HEMK2: variants seen among roughly 807,000 people sequenced by gnomAD.
The protein encoded by HEMK2 is methyltransferase HEMK2.
chr21:28,588,959 G>A, the HEMK2 span, among the ~76,000 whole-genome samples: 3 of 142,786 alleles, frequency 2.1e-5, no homozygotes, highest in Admixed American at 2.3e-4. Flanking sequence ...CTCCAGCCTG[G>A]GCAACAGAGA....
At chr21:28,596,142 G>A in the HEMK2 span, among the ~76,000 whole-genome samples, 117 of 151,548 alleles carry the variant, frequency 7.7e-4, no homozygotes, top group Non-Finnish European at 1.2e-3. Context: ...TCAGCCTCCC[G>A]AGTAGCTGGG....
the HEMK2 span, among the ~76,000 whole-genome samples, chr21:28,817,852 C>G: frequency 6.6e-6 from 1 of 152,168 alleles, no homozygotes; most frequent in Non-Finnish European, 1.5e-5. Flanking sequence ...TGTCCTTACT[C>G]ATGACAGTTA....
chr21:28,610,618 G>C, the HEMK2 span, among the ~76,000 whole-genome samples: 1 of 152,138 alleles, frequency 6.6e-6, no homozygotes, highest in Non-Finnish European at 1.5e-5. Flanking sequence ...TGGCAGAATG[G>C]ATAAGGATTC....
the HEMK2 span, among the ~76,000 whole-genome samples, chr21:28,598,751 TC>T: frequency 6.6e-6 from 1 of 152,122 alleles, no homozygotes; most frequent in African/African-American, 2.4e-5. Context: ...CAACTCCAAG[TC>T]AAAAACAGTG....
chr21:28,785,445 TG>T, the HEMK2 span, among the ~76,000 whole-genome samples: 1 of 152,206 alleles, frequency 6.6e-6, no homozygotes, highest in East Asian at 1.9e-4. Context: ...ACTTACCCCA[TG>T]ATAAATTACA....
At chr21:28,805,771 C>T in the HEMK2 span, among the ~76,000 whole-genome samples, 10 of 152,036 alleles carry the variant, frequency 6.6e-5, no homozygotes, top group African/African-American at 9.7e-5. Context: ...TGCTTCTGTA[C>T]GACTTTACAT....
At chr21:28,721,941 CACCT>C in the HEMK2 span, among the ~76,000 whole-genome samples, 1 of 148,142 alleles carries the variant, frequency 6.8e-6, no homozygotes, top group African/African-American at 2.5e-5. Context: ...CACACACATA[CACCT>C]ATTTGATGCA....
chr21:28,715,281 C>A, the HEMK2 span, among the ~76,000 whole-genome samples: 1 of 152,138 alleles, frequency 6.6e-6, no homozygotes, highest in Admixed American at 6.5e-5. Flanking sequence ...TCTCTTGTCT[C>A]CGCAGCCTTG....
At chr21:28,876,561 AT>A in the HEMK2 span, 13 of 922,520 alleles carry the variant, frequency 1.4e-5, no homozygotes, top group South Asian at 1.7e-4. Context: ...AAGCAATTTA[AT>A]AAGTTAAACA....
chr21:28,674,969 G>T, the HEMK2 span: 1 of 152,150 alleles, frequency 6.6e-6, no homozygotes, highest in Non-Finnish European at 1.5e-5. Context: ...CTATTGAATT[G>T]GGAGTTAGGT....
the HEMK2 span, among the ~76,000 whole-genome samples, chr21:28,740,475 C>A: frequency 1.2e-4 from 18 of 152,342 alleles, no homozygotes; most frequent in East Asian, 3.3e-3. Flanking sequence ...GCTATCATAG[C>A]TTCCATATGG....
chr21:28,612,201 G>A, the HEMK2 span, among the ~76,000 whole-genome samples: 10 of 150,958 alleles, frequency 6.6e-5, no homozygotes, highest in South Asian at 2.1e-3. Context: ...TAGCTAGCCA[G>A]ATCCAACAGC....
the HEMK2 span, among the ~76,000 whole-genome samples, chr21:28,849,092 C>A: frequency 1.3e-5 from 2 of 152,198 alleles, no homozygotes; most frequent in African/African-American, 4.8e-5. Flanking sequence ...GCTACGACCA[C>A]CCATCAGAGT....
chr21:28,867,004 G>C, the HEMK2 span, among the ~76,000 whole-genome samples: 1 of 152,076 alleles, frequency 6.6e-6, no homozygotes, highest in South Asian at 2.1e-4. Context: ...AATCTAAGAA[G>C]TCTAACAGTC....
At chr21:28,857,649 T>C in the HEMK2 span, among the ~76,000 whole-genome samples, 51 of 152,334 alleles carry the variant, frequency 3.3e-4, no homozygotes, top group African/African-American at 1.1e-3. Flanking sequence ...TTCAGTGCAT[T>C]TAACCTTACA....
chr21:28,717,242 C>T, the HEMK2 span, among the ~76,000 whole-genome samples: 3 of 151,914 alleles, frequency 2.0e-5, no homozygotes, highest in African/African-American at 4.8e-5. Context: ...TCCATCAGGT[C>T]GAGGGTTTTT....
At chr21:28,761,583 T>C in the HEMK2 span, among the ~76,000 whole-genome samples, 1 of 151,310 alleles carries the variant, frequency 6.6e-6, no homozygotes, top group Non-Finnish European at 1.5e-5. Context: ...TCAGTTTCTC[T>C]ATCTGCTCTA....
the HEMK2 span, among the ~76,000 whole-genome samples, chr21:28,620,095 G>C: frequency 6.6e-6 from 1 of 151,652 alleles, no homozygotes; most frequent in African/African-American, 2.4e-5. Flanking sequence ...AGTGGTGACA[G>C]AGGACATTCA....
chr21:28,810,720 C>G, the HEMK2 span, among the ~76,000 whole-genome samples: 1 of 152,250 alleles, frequency 6.6e-6, no homozygotes, highest in Non-Finnish European at 1.5e-5. Flanking sequence ...TAACCCATAG[C>G]CAAAACCACT....
Sources: gnomAD v4.1 joint callset for allele counts (sites outside exome capture counted in the v4.1 genomes callset) on GRCh38, gnomAD v4.1.1 for gene constraint, MANE v1.5 for transcripts, NCBI Gene and HGNC (gene_info 2026-07-23, HGNC 2026-07-21) for gene names.